Variants in ZNF148 observed in about 807,000 individuals in gnomAD.
ZNF148 encodes Beta-Enolase Repressor Factor-1.
Under a neutral mutation model 67.7 loss-of-function variants are expected in ZNF148, and 7 were observed. The ratio of observed to expected loss-of-function variants is 0.10; its 90% CI spans 0.06 to 0.19. ZNF148 has a LOEUF of 0.19. Ranked by LOEUF, ZNF148 falls within the 10% of genes least tolerant of loss-of-function variation. The probability of loss-of-function intolerance (pLI) is 1.00; values close to 1 mark genes in which losing one functional copy is unlikely to be tolerated. For missense variants in ZNF148, 583 were observed against 947.1 expected, an observed-to-expected ratio of 0.62 and a Z score of 5.05; for synonymous variants, 333 against 330.7, an observed-to-expected ratio of 1.01 and a Z score of -0.08.
intron 7 of ZNF148, among the ~76,000 whole-genome samples, chr3:125,255,905 C>G (rs976059377): frequency 1.3e-5 from 2 of 151,992 alleles, no homozygotes; most frequent in Admixed American, 6.6e-5. Flanking sequence ...TCAGCTGTTT[C>G]AAATGATGTG....
chr3:125,267,958 T>C (rs1937571555), intron 7 of ZNF148, among the ~76,000 whole-genome samples: 2 of 151,698 alleles, frequency 1.3e-5, no homozygotes, highest in African/African-American at 4.8e-5. Flanking sequence ...ATAATCCCAT[T>C]TACACTAGAT....
chr3:125,288,413 T>C (rs571074000), intron 4 of ZNF148, among the ~76,000 whole-genome samples, 185 bp from the exon 5 acceptor site: 1 of 151,970 alleles, frequency 6.6e-6, no homozygotes, highest in East Asian at 1.9e-4. Context: ...GTAATAAGAA[T>C]TGAGAGTACA....
intron 7 of ZNF148, among the ~76,000 whole-genome samples, chr3:125,269,448 CA>C (rs34424875): frequency 0.038 from 5,234 of 136,876 alleles, 171 homozygotes; most frequent in Admixed American, 0.1. Flanking sequence ...ATTAAAATGT[CA>C]AAAAAAAAAA....
intron 1 of ZNF148, among the ~76,000 whole-genome samples, chr3:125,342,343 CAAAAAAAAAAGA>C (rs1941763714): frequency 6.8e-5 from 1 of 14,656 alleles, no homozygotes; most frequent in Non-Finnish European, 2.1e-4. Context: ...AAACTAAAGA[CAAAAAAAAAAGA>C]CAAAAAAAAA....
At chr3:125,342,557 G>A (rs1941773826) in intron 1 of ZNF148, among the ~76,000 whole-genome samples, 1 of 149,292 alleles carries the variant, frequency 6.7e-6, no homozygotes. Context: ...GAAATAATAA[G>A]GAAATAAAAG....
intron 1 of ZNF148, among the ~76,000 whole-genome samples, chr3:125,361,772 G>T (rs1214202895): frequency 1.3e-5 from 2 of 151,766 alleles, no homozygotes; most frequent in African/African-American, 4.8e-5. Context: ...GGCAGAGGCT[G>T]CAGTGAGCCA....
At chr3:125,285,554 T>TAA (rs371516524) in intron 5 of ZNF148, among the ~76,000 whole-genome samples, 2 of 147,856 alleles carry the variant, frequency 1.4e-5, no homozygotes, top group Non-Finnish European at 3.0e-5. Flanking sequence ...GTTCTTTATT[T>TAA]AAAAAAAAAA....
intron 2 of ZNF148, among the ~76,000 whole-genome samples, chr3:125,329,301 T>G (rs918969437): frequency 6.1e-5 from 9 of 147,292 alleles, no homozygotes; most frequent in Admixed American, 1.4e-4. Context: ...TATATGTATA[T>G]TCATACTACA....
At chr3:125,252,578 G>C (rs1936887761) in intron 7 of ZNF148, among the ~76,000 whole-genome samples, 1 of 151,904 alleles carries the variant, frequency 6.6e-6, no homozygotes, top group African/African-American at 2.4e-5. Flanking sequence ...GACCCTCTTG[G>C]CCAGCATGAT....
chr3:125,243,503 T>C (rs557307363), intron 7 of ZNF148, among the ~76,000 whole-genome samples: 15 of 152,290 alleles, frequency 9.8e-5, no homozygotes, highest in Admixed American at 7.2e-4. Context: ...ATTCCTGATG[T>C]GTGTACTTTC....
rs1290014805 is a variant in ZNF148, at chr3:125,229,670, A to G, written c.*2671T>C. The G allele has an allele frequency of 1.3e-5, 2 of 152,284 alleles. No individual in the cohort carries two copies. Among genetic ancestry groups the G allele is most frequent in the East Asian group, 3.9e-4 (2 of 5,182 alleles). 9.4% of individuals were successfully genotyped at this position (152,284 alleles called of 1,614,324 possible). A position where few individuals can be genotyped will look rare whatever the true frequency, so the allele number is the denominator to read the frequency against. On this transcript the variant is annotated 3_prime_UTR_variant, in exon 9 of 9. Coordinates refer to ENST00000360647, the MANE Select transcript of ZNF148 (RefSeq NM_021964.3). ...GTGTACCAGCATGTTTTTATAGAACAATGTGCTCACTTTGAGAAATGAGAA... is the reference window on the plus strand; with the variant it reads ...GTGTACCAGCATGTTTTTATAGAACGATGTGCTCACTTTGAGAAATGAGAA...
chr3:125,238,926 C>A (rs1936218722), intron 7 of ZNF148, among the ~76,000 whole-genome samples: 1 of 152,078 alleles, frequency 6.6e-6, no homozygotes, highest in Admixed American at 6.6e-5. Flanking sequence ...GTATTATTCA[C>A]CTAGAAAAAT....
intron 1 of ZNF148, among the ~76,000 whole-genome samples, chr3:125,341,849 G>A (rs939888818): frequency 6.6e-6 from 1 of 151,112 alleles, no homozygotes; most frequent in Non-Finnish European, 1.5e-5. Context: ...ATAAAAATTA[G>A]CCAGACATGG....
intron 1 of ZNF148, among the ~76,000 whole-genome samples, chr3:125,352,902 G>A (rs1037124689): frequency 5.3e-5 from 8 of 152,118 alleles, no homozygotes; most frequent in Admixed American, 4.6e-4. Flanking sequence ...TGGTACTGGA[G>A]GGAAGGCAGA....
At chr3:125,367,766 A>G (rs1229132288) in intron 1 of ZNF148, among the ~76,000 whole-genome samples, 2 of 152,232 alleles carry the variant, frequency 1.3e-5, no homozygotes, top group Admixed American at 6.5e-5. Flanking sequence ...AACAGGGCCA[A>G]GTTGACTCAT....
chr3:125,370,562 C>T (rs1942847432), intron 1 of ZNF148, among the ~76,000 whole-genome samples: 1 of 152,172 alleles, frequency 6.6e-6, no homozygotes, highest in Admixed American at 6.5e-5. Flanking sequence ...TTTAGCAATA[C>T]ATAAACTACA....
intron 7 of ZNF148, among the ~76,000 whole-genome samples, chr3:125,252,572 C>CTCTT (rs2107550498): frequency 6.6e-6 from 1 of 152,030 alleles, no homozygotes; most frequent in South Asian, 2.1e-4. Context: ...GATCGAGACC[C>CTCTT]TCTTGGCCAG....
At chr3:125,258,716 A>C (rs908644013) in intron 7 of ZNF148, among the ~76,000 whole-genome samples, 5 of 152,238 alleles carry the variant, frequency 3.3e-5, no homozygotes, top group African/African-American at 1.2e-4. Context: ...GTTTGGTAGT[A>C]AACTTTTATT....
chr3:125,231,093 T>C lies in ZNF148; in HGVS notation c.*1248A>G, dbSNP rs1011871963. 6.6e-6 allele frequency: 1 copy of C among 152,510 alleles called. No individual in the cohort carries two copies. The highest frequency in any genetic ancestry group is 1.5e-5 in the Non-Finnish European group (1 of 67,958). The allele number at this position is 152,510 out of a possible 1,614,324, so 9.4% of individuals were successfully genotyped here. A position where few individuals can be genotyped will look rare whatever the true frequency, so the allele number is the denominator to read the frequency against. On this transcript the variant is annotated 3_prime_UTR_variant, in exon 9 of 9. Coordinates refer to ENST00000360647, the MANE Select transcript of ZNF148 (RefSeq NM_021964.3). ...ATCACTCATCTAGCTGAAAAAGAAA[T>C]GGTAGTTACTGGAATTAGTAAACAC...
Sources: allele counts gnomAD v4.1 joint callset (sites outside exome capture counted in the v4.1 genomes callset), GRCh38; gene constraint gnomAD v4.1.1; transcripts MANE v1.5; gene names NCBI Gene and HGNC (gene_info 2026-07-23, HGNC 2026-07-21).